The following EML4 variants were observed in gnomAD, a reference collection of about 807,000 sequenced individuals.
The protein encoded by EML4 is echinoderm microtubule-associated protein-like 4.
Under a neutral mutation model 129.0 loss-of-function variants are expected in EML4, and 72 were observed. The ratio of observed to expected loss-of-function variants is 0.56; its 90% CI spans 0.46 to 0.68. EML4 has a LOEUF of 0.68. Ranked by LOEUF, EML4 falls within the 30% of genes least tolerant of loss-of-function variation. The probability of loss-of-function intolerance (pLI) is 0.00; values close to 1 mark genes in which losing one functional copy is unlikely to be tolerated. For synonymous variants in EML4, 532 were observed against 405.0 expected, an observed-to-expected ratio of 1.31 and a Z score of -3.77; for missense variants, 1,363 against 1,190.6, an observed-to-expected ratio of 1.14 and a Z score of -2.13.
At chr2:42,311,846 CT>C (rs1668972111) in intron 17 of EML4, among the ~76,000 whole-genome samples, 1 of 152,062 alleles carries the variant, frequency 6.6e-6, no homozygotes, top group African/African-American at 2.4e-5. Context: ...GTCTTATGTG[CT>C]TTTTTTATTT....
Position 42,263,216 on chromosome 2 carries a change from C to A in EML4, c.551C>A (p.Ser184Tyr). 6.2e-7 allele frequency: 1 copy of A among 1,612,776 alleles called. No individual in the cohort carries two copies. Among genetic ancestry groups the A allele is most frequent in the Non-Finnish European group, 8.5e-7 (1 of 1,179,466 alleles). The change falls in exon 5 of 23, where the codon TCT (serine) becomes TAT (tyrosine). Residue 184 changes from serine to tyrosine, a missense_variant. Coordinates refer to ENST00000318522, the MANE Select transcript of EML4 (RefSeq NM_019063.5). ...RPSPAEKSHN[S>Y]WENSDDSRNK... ...TCACCAGCTGAAAAGTCACATAATT[C>A]TTGGGAAAATTCAGATGATAGCCGT...
At chr2:42,194,832 G>A (rs1294059058) in intron 1 of EML4, among the ~76,000 whole-genome samples, 2 of 152,006 alleles carry the variant, frequency 1.3e-5, no homozygotes, top group Non-Finnish European at 2.9e-5. Context: ...TTGATGGTCT[G>A]ATTTATCATT....
chr2:42,218,761 C>T (rs929719442), intron 1 of EML4, among the ~76,000 whole-genome samples: 2 of 152,170 alleles, frequency 1.3e-5, no homozygotes, highest in Non-Finnish European at 2.9e-5. Context: ...ACTTTGACCA[C>T]AAGAATATTT....
At chr2:42,287,901 G>A (rs1285103760) in intron 10 of EML4, among the ~76,000 whole-genome samples, 2 of 152,066 alleles carry the variant, frequency 1.3e-5, no homozygotes, top group East Asian at 1.9e-4. Flanking sequence ...AATACAGGCA[G>A]CAAGAAGGAA....
At chr2:42,217,965 A>G (rs13018498) in intron 1 of EML4, among the ~76,000 whole-genome samples, 42,890 of 151,982 alleles carry the variant, frequency 0.28, 6,638 homozygotes, top group East Asian at 0.56. Context: ...TCTCAGTCAG[A>G]TATGGGGTGA....
chr2:42,256,546 A>T lies in EML4; in HGVS notation c.254A>T (p.Asn85Ile). The change falls in exon 3 of 23, where the codon AAT becomes ATT. Residue 85 changes from asparagine to isoleucine, a missense_variant. Coordinates refer to ENST00000318522, the MANE Select transcript of EML4 (RefSeq NM_019063.5). ...GTTATTCCCATGTCCTGTATAACCA[A>T]TGGAAGTGGTGCAAACAGAAAACCA... ...RAVIPMSCITNGSGANRKPSH... is the reference protein window; with the variant it reads ...RAVIPMSCITIGSGANRKPSH... 1 of 1,613,860 alleles carries T rather than the reference A, an allele frequency of 6.2e-7. No individual in the cohort carries two copies. The highest frequency in any genetic ancestry group is 1.3e-5 in the African/African-American group (1 of 75,038).
intron 19 of EML4, among the ~76,000 whole-genome samples, chr2:42,324,384 G>C (rs961454089): frequency 6.6e-6 from 1 of 152,260 alleles, no homozygotes; most frequent in Non-Finnish European, 1.5e-5. Flanking sequence ...GGGAGGCTGA[G>C]GCTGGAGGAT....
chr2:42,179,488 G>A (rs1406088258), intron 1 of EML4, among the ~76,000 whole-genome samples: 1 of 152,098 alleles, frequency 6.6e-6, no homozygotes, highest in African/African-American at 2.4e-5. Context: ...ACTGTCTTCA[G>A]GTTATGTAAG....
intron 20 of EML4, 31 bp downstream of exon 20, chr2:42,325,585 A>ATATC: frequency 2.9e-6 from 1 of 343,000 alleles, no homozygotes; most frequent in Non-Finnish European, 5.1e-6. Flanking sequence ...ATATATATAT[A>ATATC]TATGCTATGA....
At chr2:42,202,206 C>G (rs1010752160) in intron 1 of EML4, among the ~76,000 whole-genome samples, 4 of 152,012 alleles carry the variant, frequency 2.6e-5, no homozygotes, top group African/African-American at 9.7e-5. Context: ...AGAAATAGAT[C>G]CTGGTGATCT....
intron 1 of EML4, among the ~76,000 whole-genome samples, chr2:42,232,203 G>C (rs996206438): frequency 4.6e-5 from 7 of 152,122 alleles, no homozygotes; most frequent in Admixed American, 2.6e-4. Flanking sequence ...GAAAGAAATG[G>C]CCAGGGTACA....
chr2:42,257,013 CTA>C (rs1558546616), intron 3 of EML4, among the ~76,000 whole-genome samples: 1 of 152,102 alleles, frequency 6.6e-6, no homozygotes, highest in African/African-American at 2.4e-5. Flanking sequence ...TTCGATATAT[CTA>C]TGTTAGTGGG....
intron 8 of EML4, 114 bp from the exon 9 acceptor site, chr2:42,284,520 T>A (rs1276267261): frequency 1.7e-6 from 1 of 580,874 alleles, no homozygotes; most frequent in Non-Finnish European, 2.9e-6. Context: ...AGAAAACAGA[T>A]AAACGTATGT....
chr2:42,207,528 T>C (rs1672633054), intron 1 of EML4, among the ~76,000 whole-genome samples: 1 of 152,236 alleles, frequency 6.6e-6, no homozygotes, highest in Non-Finnish European at 1.5e-5. Flanking sequence ...AACCACTTTT[T>C]AATTTGTTGC....
At chr2:42,262,629 T>C (rs72970095) in intron 4 of EML4, among the ~76,000 whole-genome samples, 9 of 152,342 alleles carry the variant, frequency 5.9e-5, no homozygotes, top group African/African-American at 2.2e-4. Context: ...ATTTCACTTA[T>C]AAGTATAGGG....
chr2:42,294,739 A>G (rs1667849969), intron 11 of EML4, among the ~76,000 whole-genome samples: 1 of 152,142 alleles, frequency 6.6e-6, no homozygotes, highest in African/African-American at 2.4e-5. Context: ...CTCCATAATA[A>G]TAGTACAAAG....
At chr2:42,242,763 T>C (rs1297386870) in intron 1 of EML4, among the ~76,000 whole-genome samples, 1 of 151,812 alleles carries the variant, frequency 6.6e-6, no homozygotes, top group Non-Finnish European at 1.5e-5. Flanking sequence ...TTTTTTTCTC[T>C]TTTCTTTTTT....
At chr2:42,211,593 A>G (rs764165594) in intron 1 of EML4, among the ~76,000 whole-genome samples, 9 of 152,206 alleles carry the variant, frequency 5.9e-5, no homozygotes, top group Non-Finnish European at 1.3e-4. Flanking sequence ...AAGGACTTGG[A>G]TGTTTTAAAC....
chr2:42,262,147 A>G (rs185029969), intron 4 of EML4, among the ~76,000 whole-genome samples: 89 of 152,276 alleles, frequency 5.8e-4, no homozygotes, highest in African/African-American at 1.6e-3. Flanking sequence ...AAAATAAATG[A>G]CAACCATTCC....
Sources: allele counts gnomAD v4.1 joint callset (sites outside exome capture counted in the v4.1 genomes callset), GRCh38; gene constraint gnomAD v4.1.1; transcripts MANE v1.5; gene names NCBI Gene and HGNC (gene_info 2026-07-23, HGNC 2026-07-21).